Variants in FOXN2 observed in about 807,000 individuals in gnomAD.
The protein encoded by FOXN2 is forkhead box N2, also known as forkhead box protein N2.
A neutral mutation model predicts 41.2 loss-of-function variants in FOXN2; 19 were observed. The ratio of observed to expected loss-of-function variants is 0.46; its 90% CI spans 0.32 to 0.68. The LOEUF (loss-of-function observed/expected upper bound fraction) is 0.68. Among genes scored for constraint, FOXN2 ranks in the 30% least tolerant of loss-of-function variants. The pLI is 0.03. For synonymous variants in FOXN2, 195 were observed against 176.8 expected (o/e 1.10, Z -0.82); for missense variants, 587 against 509.4 (o/e 1.15, Z -1.47).
chr2:48,373,634 C>G (rs1003176126), intron 6 of FOXN2, among the ~76,000 whole-genome samples: 7 of 151,620 alleles, frequency 4.6e-5, no homozygotes, highest in African/African-American at 1.7e-4. Flanking sequence ...AAAATGAAAA[C>G]TATAAACAAG....
chr2:48,313,681 T>TA, upstream of FOXN2, among the ~76,000 whole-genome samples: 1 of 152,372 alleles, frequency 6.6e-6, no homozygotes, highest in African/African-American at 2.4e-5. Flanking sequence ...GTGCTGCCAC[T>TA]TCTCATACCT....
chr2:48,359,006 T>C lies in FOXN2; in HGVS notation c.538-41T>C, dbSNP rs773680943. On this transcript the variant is annotated intron_variant, in intron 3 of 6. Coordinates refer to ENST00000340553, the MANE Select transcript of FOXN2 (RefSeq NM_002158.4). ...AAAACATTTAGACGCTGACTGTTTA[T>C]GTATAAAAGTTCCTAGTTATTCTTG... 1.3e-5 allele frequency: 18 copies of C among 1,418,704 alleles called. No individual in the cohort carries two copies. In the Admixed American group the frequency reaches 3.2e-4, roughly 25 times the overall value. 87.9% of individuals were successfully genotyped at this position (1,418,704 alleles called of 1,614,324 possible). A position where few individuals can be genotyped will look rare whatever the true frequency, so the allele number is the denominator to read the frequency against.
At position 48,362,654 on chromosome 2, in the gene FOXN2, C is replaced by T; in HGVS notation, c.650C>T (p.Ser217Leu). ...SSASSQNGSLSPHYLSSVIKQ... is the reference protein window; with the variant it reads ...SSASSQNGSLLPHYLSSVIKQ... ...TGTTTGTTTTTCAGTGGTTCTTTAT[C>T]ACCTCACTATTTAAGCTCTGTAATC... Residue 217 changes from serine (S) to leucine (L), a missense_variant, in exon 5 of 7, where the codon TCA (serine) becomes TTA (leucine). Coordinates refer to ENST00000340553, the MANE Select transcript of FOXN2 (RefSeq NM_002158.4). 2 of 1,613,704 alleles carry T rather than the reference C, an allele frequency of 1.2e-6. No homozygotes were observed. The highest frequency in any genetic ancestry group is 1.7e-6 in the Non-Finnish European group (2 of 1,179,748).
intron 5 of FOXN2, among the ~76,000 whole-genome samples, chr2:48,372,213 C>T (rs1181677069): frequency 6.6e-6 from 1 of 152,116 alleles, no homozygotes; most frequent in Non-Finnish European, 1.5e-5. Context: ...GTATTATGTG[C>T]TGTTTCATAG....
chr2:48,315,442 C>A (rs1469925590), intron 1 of FOXN2, among the ~76,000 whole-genome samples: 1 of 152,136 alleles, frequency 6.6e-6, no homozygotes, highest in Non-Finnish European at 1.5e-5. Flanking sequence ...GCCCCTCCAC[C>A]GCCTCGAGGG....
At chr2:48,353,624 T>A (rs1671602839) in intron 3 of FOXN2, among the ~76,000 whole-genome samples, 1 of 145,320 alleles carries the variant, frequency 6.9e-6, no homozygotes, top group Non-Finnish European at 1.5e-5. Flanking sequence ...AAGGGGGGAG[T>A]GATATTATTC....
intron 5 of FOXN2, among the ~76,000 whole-genome samples, chr2:48,370,542 C>T (rs1672822909): frequency 6.6e-6 from 1 of 152,202 alleles, no homozygotes; most frequent in South Asian, 2.1e-4. Flanking sequence ...TTCCCCAACA[C>T]TCTATTTCCC....
At chr2:48,329,059 C>T (rs921970173) in intron 2 of FOXN2, among the ~76,000 whole-genome samples, 3 of 151,948 alleles carry the variant, frequency 2.0e-5, no homozygotes, top group African/African-American at 4.8e-5. Context: ...TTCTGTGAAA[C>T]GGAGGAGGAT....
At chr2:48,358,912 C>G in intron 3 of FOXN2, 135 bp from the exon 4 acceptor site, 2 of 623,138 alleles carry the variant, frequency 3.2e-6, no homozygotes, top group Non-Finnish European at 5.5e-6. Flanking sequence ...GCACACATAG[C>G]AAGCTCACTT....
intron 3 of FOXN2, among the ~76,000 whole-genome samples, chr2:48,349,652 G>T (rs1182383831): frequency 2.0e-5 from 3 of 152,188 alleles, no homozygotes; most frequent in Non-Finnish European, 4.4e-5. Context: ...GCATATGCCT[G>T]TAATCCCAGC....
At chr2:48,373,242 A>G in intron 5 of FOXN2, 50 bp from the exon 6 acceptor site, 1 of 1,302,676 alleles carries the variant, frequency 7.7e-7, no homozygotes, top group Non-Finnish European at 1.1e-6. Flanking sequence ...TACTTAGAAT[A>G]GCCTCTCCTT....
chr2:48,337,372 G>T (rs914325187), intron 2 of FOXN2, among the ~76,000 whole-genome samples: 2 of 150,106 alleles, frequency 1.3e-5, no homozygotes, highest in African/African-American at 4.9e-5. Context: ...ATCTCAGCTC[G>T]CTGTAACCTC....
intron 1 of FOXN2, among the ~76,000 whole-genome samples, chr2:48,327,049 G>C (rs1298822502): frequency 1.3e-5 from 2 of 152,078 alleles, no homozygotes; most frequent in Non-Finnish European, 2.9e-5. Flanking sequence ...ACAGATTTCA[G>C]AGGTATTTCA....
At chr2:48,346,154 T>G in intron 2 of FOXN2, 47 bp from the exon 3 acceptor site, 1 of 1,479,940 alleles carries the variant, frequency 6.8e-7, no homozygotes, top group Non-Finnish European at 9.1e-7. Context: ...TTTCCCAGAG[T>G]TTAAGAATCT....
chr2:48,344,914 A>C (rs1027169090), intron 2 of FOXN2, among the ~76,000 whole-genome samples: 1 of 147,722 alleles, frequency 6.8e-6, no homozygotes, highest in African/African-American at 2.5e-5. Flanking sequence ...TTTTCACTGA[A>C]TTTAGAAATG....
chr2:48,318,925 A>C (rs900451938), intron 1 of FOXN2, among the ~76,000 whole-genome samples: 1 of 152,236 alleles, frequency 6.6e-6, no homozygotes, highest in Non-Finnish European at 1.5e-5. Context: ...TATTAGCATA[A>C]AGTTTAAATA....
At chr2:48,368,058 T>G (rs1362687994) in intron 5 of FOXN2, among the ~76,000 whole-genome samples, 1 of 152,078 alleles carries the variant, frequency 6.6e-6, no homozygotes, top group Non-Finnish European at 1.5e-5. Flanking sequence ...GCCAGGCTGG[T>G]CTCGAGCTCC....
intron 5 of FOXN2, among the ~76,000 whole-genome samples, chr2:48,364,260 C>G (rs752330471): frequency 6.6e-6 from 1 of 152,080 alleles, no homozygotes; most frequent in East Asian, 1.9e-4. Context: ...CAGGTTCTCA[C>G]TCTGTCACCC....
At chr2:48,343,702 T>C (rs1355258975) in intron 2 of FOXN2, among the ~76,000 whole-genome samples, 1 of 151,474 alleles carries the variant, frequency 6.6e-6, no homozygotes, top group Non-Finnish European at 1.5e-5. Flanking sequence ...GAGGTTACAG[T>C]GAACCATGAT....
Sources: gnomAD v4.1 joint callset for allele counts (sites outside exome capture counted in the v4.1 genomes callset) on GRCh38, gnomAD v4.1.1 for gene constraint, MANE v1.5 for transcripts, NCBI Gene and HGNC (gene_info 2026-07-23, HGNC 2026-07-21) for gene names.